The following GNB1 variants were observed in gnomAD, a reference collection of about 807,000 sequenced individuals.
GNB1 encodes the protein G protein subunit beta 1.
A neutral mutation model predicts 42.9 loss-of-function variants in GNB1; 2 were observed. The ratio of observed to expected loss-of-function variants is 0.05; its 90% CI spans 0.02 to 0.15. The LOEUF (loss-of-function observed/expected upper bound fraction) is 0.15, where lower values mean the gene tolerates loss of function less well. GNB1 is among the 10% of genes least tolerant of loss of function. The pLI, the probability that GNB1 is intolerant of heterozygous loss-of-function variation, is 1.00. For synonymous variants in GNB1, 183 were observed against 174.7 expected (o/e 1.05, Z -0.38); for missense variants, 193 against 462.2 (o/e 0.42, Z 5.34).
intron 1 of GNB1, among the ~76,000 whole-genome samples, chr1:1,870,695 G>A (rs1471984313): frequency 6.6e-6 from 1 of 152,190 alleles, no homozygotes; most frequent in East Asian, 1.9e-4. Flanking sequence ...AGCACTTTGG[G>A]AGGCAGAGGT....
intron 1 of GNB1, among the ~76,000 whole-genome samples, chr1:1,869,359 A>G (rs1166145044): frequency 1.3e-5 from 2 of 152,180 alleles, no homozygotes; most frequent in East Asian, 3.8e-4. Flanking sequence ...GAATTTCACT[A>G]GAAGGTGACA....
At chr1:1,851,936 G>A (rs771387472) in intron 1 of GNB1, among the ~76,000 whole-genome samples, 1 of 151,428 alleles carries the variant, frequency 6.6e-6, no homozygotes, top group African/African-American at 2.4e-5. Context: ...CCAGCTACTC[G>A]GGAGGCTGAG....
At chr1:1,876,076 GA>G (rs1649529960) in intron 1 of GNB1, among the ~76,000 whole-genome samples, 3 of 152,184 alleles carry the variant, frequency 2.0e-5, no homozygotes, top group Admixed American at 6.5e-5. Context: ...CCAGAAAGAA[GA>G]AAGGAAGTGT....
At chr1:1,811,918 T>C (rs910069683) in intron 5 of GNB1, among the ~76,000 whole-genome samples, 1 of 150,754 alleles carries the variant, frequency 6.6e-6, no homozygotes, top group African/African-American at 2.4e-5. Context: ...ACAAAAAAAT[T>C]AGCCAGGCGT....
At chr1:1,883,440 A>G (rs1453323081) in intron 1 of GNB1, among the ~76,000 whole-genome samples, 1 of 152,200 alleles carries the variant, frequency 6.6e-6, no homozygotes, top group Non-Finnish European at 1.5e-5. Flanking sequence ...GGAACCATGG[A>G]GAAAAAAAGA....
chr1:1,865,891 G>GTTTT lies in GNB1; in HGVS notation c.-96+24925_-96+24928dup, dbSNP rs145478331. On this transcript the variant is annotated intron_variant, in intron 1 of 11. Coordinates refer to ENST00000378609, the MANE Select transcript of GNB1 (RefSeq NM_002074.5). The stretch of plus-strand genomic sequence containing the variant: ...CAAAAAATAAAGAGAAAACAGTTTT[G>GTTTT]TTTTTTGGTTGTTGTTTTTTGAGAC... Among the ~76,000 whole-genome samples the GTTTT allele has an allele frequency of 8.4e-3, 1,268 of 151,400 alleles. 21 individuals carry two copies. Among genetic ancestry groups the GTTTT allele is most frequent in the African/African-American group, 0.029 (1,217 of 41,316 alleles).
rs185713603 is a variant in GNB1 at position 1,786,398 on chromosome 1, C to T, written c.*665G>A. 3.9e-6 allele frequency: 1 copy of T among 253,970 alleles called. No individual in the cohort carries two copies. Among genetic ancestry groups the T allele is most frequent in the Admixed American group, 5.5e-5 (1 of 18,168 alleles). 15.7% of individuals were successfully genotyped at this position (253,970 alleles called of 1,614,324 possible). ...AGACCGTCCCCGCATGTGCTTGGCCCCATGGCTTCTGAACATGTTCTTTTC... is the reference window on the plus strand; with the variant it reads ...AGACCGTCCCCGCATGTGCTTGGCCTCATGGCTTCTGAACATGTTCTTTTC... On this transcript the variant is annotated 3_prime_UTR_variant, in exon 12 of 12. Transcript: ENST00000378609.
intron 1 of GNB1, among the ~76,000 whole-genome samples, chr1:1,865,312 C>T (rs2101702469): frequency 6.9e-6 from 1 of 144,316 alleles, no homozygotes; most frequent in Non-Finnish European, 1.5e-5. Context: ...ACAGGCAACA[C>T]ATTGTGGCTC....
At chr1:1,881,355 T>C (rs1466065104) in intron 1 of GNB1, among the ~76,000 whole-genome samples, 1 of 151,870 alleles carries the variant, frequency 6.6e-6, no homozygotes, top group Non-Finnish European at 1.5e-5. Flanking sequence ...CAAGTAATGA[T>C]CCCCATCAGA....
intron 6 of GNB1, 92 bp from the exon 7 acceptor site, chr1:1,804,673 G>T: frequency 2.1e-6 from 2 of 974,690 alleles, no homozygotes; most frequent in Admixed American, 2.9e-5. Flanking sequence ...TCACTGCAAA[G>T]GAGGTAACAG....
chr1:1,869,144 C>A (rs1201431914), intron 1 of GNB1, among the ~76,000 whole-genome samples: 3 of 142,570 alleles, frequency 2.1e-5, no homozygotes, highest in Non-Finnish European at 4.5e-5. Flanking sequence ...TGAGATCACA[C>A]CACCGCACTC....
At chr1:1,862,958 A>T (rs2101670265) in intron 1 of GNB1, among the ~76,000 whole-genome samples, 1 of 152,282 alleles carries the variant, frequency 6.6e-6, no homozygotes, top group African/African-American at 2.4e-5. Flanking sequence ...CACACACAAG[A>T]GGGAAAACCA....
intron 4 of GNB1, 112 bp downstream of exon 4, chr1:1,817,725 T>C (rs1487832308): frequency 5.9e-6 from 4 of 673,822 alleles, no homozygotes; most frequent in Non-Finnish European, 1.1e-5. Context: ...TGGCTTGGCA[T>C]CCTCACTGCG....
At chr1:1,818,191 G>A (rs990820026) in intron 3 of GNB1, 6 of 233,366 alleles carry the variant, frequency 2.6e-5, no homozygotes, top group African/African-American at 4.4e-5. Context: ...CCACACACCC[G>A]GGACCCTGGT....
chr1:1,847,485 T>TC (rs1306323327), intron 1 of GNB1, among the ~76,000 whole-genome samples: 1 of 152,160 alleles, frequency 6.6e-6, no homozygotes, highest in Non-Finnish European at 1.5e-5. Flanking sequence ...ACAGCACCTC[T>TC]CCTTCAGCCT....
intron 1 of GNB1, among the ~76,000 whole-genome samples, chr1:1,847,043 T>C (rs979689641): frequency 1.3e-5 from 2 of 152,186 alleles, no homozygotes; most frequent in African/African-American, 4.8e-5. Context: ...TCTTCCTGAA[T>C]AGGTTTTTAA....
In GNB1 at chr1:1,880,062, G is replaced by C. The variant is rs543030044; in HGVS notation, c.-96+10758C>G. 3.3e-5 allele frequency among the ~76,000 whole-genome samples: 5 copies of C among 151,782 alleles called. No homozygotes were observed. The East Asian group carries it at 5.9e-4, about 18-fold the overall frequency. On this transcript the variant is annotated intron_variant, in intron 1 of 11. Coordinates refer to ENST00000378609, the MANE Select transcript of GNB1 (RefSeq NM_002074.5). ...TCCTCCTGCCTCAGCCTCCCCAGTA[G>C]ATGGGACCACAGGCACGCACCACCA...
chr1:1,806,310 G>A (rs903427757), intron 6 of GNB1, among the ~76,000 whole-genome samples, 165 bp downstream of exon 6: 5 of 152,212 alleles, frequency 3.3e-5, no homozygotes, highest in African/African-American at 1.2e-4. Flanking sequence ...CAGGTGGCAC[G>A]TGACTCAGCT....
chr1:1,850,413 G>A (rs1028445158), intron 1 of GNB1, among the ~76,000 whole-genome samples: 1 of 151,874 alleles, frequency 6.6e-6, no homozygotes, highest in Non-Finnish European at 1.5e-5. Flanking sequence ...GATTACAAGG[G>A]TGAGCCACCG....
Sources: allele counts gnomAD v4.1 joint callset (sites outside exome capture counted in the v4.1 genomes callset), GRCh38; gene constraint gnomAD v4.1.1; transcripts MANE v1.5; gene names NCBI Gene and HGNC (gene_info 2026-07-23, HGNC 2026-07-21).